NRXN3: variants seen among roughly 807,000 people sequenced by gnomAD.
NRXN3 encodes the protein neurexin 3.
A neutral mutation model predicts 137.6 loss-of-function variants in NRXN3; 32 were observed. That is an observed-to-expected ratio of 0.23 (90% CI 0.18 to 0.31). NRXN3 has a LOEUF of 0.31. Among genes scored for constraint, NRXN3 ranks in the 10% least tolerant of loss-of-function variants. The pLI, the probability that NRXN3 is intolerant of heterozygous loss-of-function variation, is 1.00. For synonymous variants in NRXN3, 798 were observed against 784.5 expected, an observed-to-expected ratio of 1.02 and a Z score of -0.29; for missense variants, 1,574 against 2,062.5, an observed-to-expected ratio of 0.76 and a Z score of 4.59.
intron 20 of NRXN3, among the ~76,000 whole-genome samples, chr14:79,855,063 C>A (rs1244029676): frequency 6.6e-6 from 1 of 152,086 alleles, no homozygotes; most frequent in East Asian, 1.9e-4. Context: ...TTTTTCATTT[C>A]TCTCAAGGAT....
intron 4 of NRXN3, among the ~76,000 whole-genome samples, chr14:78,471,917 C>T (rs2095281853): frequency 6.6e-6 from 1 of 152,140 alleles, no homozygotes; most frequent in African/African-American, 2.4e-5. Context: ...CTTGAACCAA[C>T]CTAAAAGAAA....
At chr14:78,521,021 G>A (rs1365106189) in intron 4 of NRXN3, among the ~76,000 whole-genome samples, 1 of 152,198 alleles carries the variant, frequency 6.6e-6, no homozygotes, top group Non-Finnish European at 1.5e-5. Context: ...GCCATTTGGA[G>A]GATAAACAAA....
intron 9 of NRXN3, 125 bp from the exon 10 acceptor site, chr14:78,810,193 A>G (rs1044828711): frequency 3.1e-6 from 2 of 635,112 alleles, no homozygotes; most frequent in Admixed American, 3.0e-5. Context: ...TACTTTATAT[A>G]TATAAAATGG....
At chr14:78,547,656 T>C (rs1186281164) in intron 4 of NRXN3, among the ~76,000 whole-genome samples, 1 of 151,962 alleles carries the variant, frequency 6.6e-6, no homozygotes, top group Admixed American at 6.5e-5. Flanking sequence ...ATCTTTTATA[T>C]ATTTATATTT....
intron 4 of NRXN3, among the ~76,000 whole-genome samples, chr14:78,398,698 T>C (rs1318096370): frequency 6.6e-6 from 1 of 152,254 alleles, no homozygotes; most frequent in African/African-American, 2.4e-5. Context: ...GCAAAAGTCC[T>C]GGCTCTCTAC....
chr14:78,363,756 G>T (rs1000046419), intron 4 of NRXN3, among the ~76,000 whole-genome samples: 4 of 152,136 alleles, frequency 2.6e-5, no homozygotes, highest in African/African-American at 9.7e-5. Context: ...CAAGGCTCCT[G>T]ATTAAGGGCA....
rs1596515893 is a variant in NRXN3, at chr14:78,854,020, C to A, written c.2275+43676C>A. On this transcript the variant is annotated intron_variant, in intron 10 of 20. Coordinates refer to ENST00000335750, the MANE Select transcript of NRXN3 (RefSeq NM_001330195.2). ...GCTCAGCCGTAGATTCCTTTTGATG[C>A]CTCTGAAATCACTGTCATATCTGTA... Among the ~76,000 whole-genome samples the A allele has an allele frequency of 2.0e-5, 3 of 152,168 alleles. No individual in the cohort carries two copies. The East Asian group carries it at 5.8e-4, about 29-fold the overall frequency.
chr14:78,926,737 A>ATATATAT, intron 10 of NRXN3, among the ~76,000 whole-genome samples: 1 of 65,746 alleles, frequency 1.5e-5, no homozygotes, highest in African/African-American at 8.2e-5. Context: ...ATAATATAAA[A>ATATATAT]TATATATTAT....
chr14:78,849,713 G>A (rs1044295856), intron 10 of NRXN3, among the ~76,000 whole-genome samples: 2 of 151,306 alleles, frequency 1.3e-5, no homozygotes, highest in Non-Finnish European at 3.0e-5. Flanking sequence ...AGTGGAATTG[G>A]GGGTAGGGTG....
At chr14:79,238,124 T>C (rs1295573140) in intron 15 of NRXN3, among the ~76,000 whole-genome samples, 1 of 152,088 alleles carries the variant, frequency 6.6e-6, no homozygotes, top group Admixed American at 6.6e-5. Context: ...TGAGTTCAGG[T>C]GCATGGGGGT....
At chr14:79,096,146 C>T (rs966981753) in intron 15 of NRXN3, among the ~76,000 whole-genome samples, 6 of 150,790 alleles carry the variant, frequency 4.0e-5, no homozygotes, top group Admixed American at 6.6e-5. Flanking sequence ...CTCCCTCTGT[C>T]ACCCAGGCTG....
At chr14:79,302,575 C>A (rs141910441) in intron 15 of NRXN3, among the ~76,000 whole-genome samples, 1 of 152,012 alleles carries the variant, frequency 6.6e-6, no homozygotes, top group East Asian at 1.9e-4. Context: ...TGTCCCCACC[C>A]AAATCTCATC....
intron 16 of NRXN3, among the ~76,000 whole-genome samples, chr14:79,659,730 C>T (rs2153983095): frequency 6.6e-6 from 1 of 152,236 alleles, no homozygotes; most frequent in African/African-American, 2.4e-5. Context: ...TCTTTCCCTC[C>T]ACACATCTCT....
At chr14:78,427,976 G>A (rs959867276) in intron 4 of NRXN3, among the ~76,000 whole-genome samples, 11 of 152,332 alleles carry the variant, frequency 7.2e-5, no homozygotes, top group African/African-American at 2.4e-4. Context: ...TTTGGAGTCA[G>A]AAAGAGCTGA....
intron 1 of NRXN3, among the ~76,000 whole-genome samples, chr14:78,235,014 A>ATATGTG (rs2066040770): frequency 5.2e-5 from 5 of 96,244 alleles, no homozygotes; most frequent in African/African-American, 1.3e-4. Flanking sequence ...ATATATATAT[A>ATATGTG]TATATATATG....
intron 10 of NRXN3, among the ~76,000 whole-genome samples, chr14:78,889,734 C>T (rs1389055317): frequency 2.5e-4 from 38 of 151,948 alleles, no homozygotes; most frequent in Admixed American, 2.5e-3. Context: ...GGAGGTAAAA[C>T]ACACATACCA....
intron 15 of NRXN3, chr14:79,279,196 C>A (rs2080826567): frequency 1.2e-5 from 3 of 255,596 alleles, no homozygotes; most frequent in Admixed American, 6.5e-5. Flanking sequence ...GCTGGAGGCT[C>A]GCGCGGGTGT....
At chr14:79,277,722 G>A (rs2153435928) in intron 15 of NRXN3, among the ~76,000 whole-genome samples, 1 of 152,338 alleles carries the variant, frequency 6.6e-6, no homozygotes, top group Non-Finnish European at 1.5e-5. Flanking sequence ...GTCCCTGAGA[G>A]CATGCTGCTG....
chr14:79,093,997 C>T (rs1231338799), intron 15 of NRXN3, among the ~76,000 whole-genome samples: 1 of 152,042 alleles, frequency 6.6e-6, no homozygotes, highest in Non-Finnish European at 1.5e-5. Flanking sequence ...CCCAAATATG[C>T]ATTTATCAGG....
Sources: gnomAD v4.1 joint callset for allele counts (sites outside exome capture counted in the v4.1 genomes callset) on GRCh38, gnomAD v4.1.1 for gene constraint, MANE v1.5 for transcripts, NCBI Gene and HGNC (gene_info 2026-07-23, HGNC 2026-07-21) for gene names.